The following CES5A variants were observed in gnomAD, a reference collection of about 807,000 sequenced individuals.
CES5A encodes the protein carboxylesterase 5A.
CES5A carries 67 observed loss-of-function variants against 62.9 expected under a neutral mutation model. The observed-to-expected ratio is 1.07, with a 90% confidence interval of 0.88 to 1.31. The LOEUF (loss-of-function observed/expected upper bound fraction) is 1.31, where lower values mean the gene tolerates loss of function less well. Ranked by LOEUF, CES5A falls within the 50% of genes most tolerant of loss-of-function variation. CES5A has a pLI of 0.00. For synonymous variants in CES5A, 296 were observed against 280.8 expected, an observed-to-expected ratio of 1.05 and a Z score of -0.54; for missense variants, 748 against 708.5, an observed-to-expected ratio of 1.06 and a Z score of -0.63.
intron 7 of CES5A, among the ~76,000 whole-genome samples, chr16:55,860,389 A>G (rs1292232456): frequency 6.6e-6 from 1 of 152,220 alleles, no homozygotes; most frequent in East Asian, 1.9e-4. Context: ...TCATCTGGGA[A>G]CTTGTTATAA....
intron 2 of CES5A, among the ~76,000 whole-genome samples, chr16:55,938,795 T>TATATATAC (rs1555487391): frequency 1.8e-5 from 1 of 56,420 alleles, no homozygotes; most frequent in African/African-American, 8.3e-5. Flanking sequence ...TATATATATA[T>TATATATAC]ATACACACAT....
chr16:55,874,160 A>G, intron 1 of CES5A, 123 bp from the exon 2 acceptor site: 2 of 838,118 alleles, frequency 2.4e-6, no homozygotes, highest in Non-Finnish European at 3.7e-6. Flanking sequence ...AGCTGGTGGT[A>G]TCCAGGTTCC....
chr16:55,858,371 A>G (rs4380052), intron 8 of CES5A, among the ~76,000 whole-genome samples: 53,425 of 152,064 alleles, frequency 0.35, 11,204 homozygotes, highest in African/African-American at 0.58. Context: ...TTGCTTGGAC[A>G]GCCTGTGCTT....
chr16:55,917,994 G>C lies in CES5A; in HGVS notation c.-256+7329C>G, dbSNP rs77634176. Among the ~76,000 whole-genome samples, 448 of 152,286 alleles carry C rather than the reference G, an allele frequency of 2.9e-3. 13 individuals carry two copies. The highest frequency in any genetic ancestry group is 0.023 in the Admixed American group (351 of 15,304). On this transcript the variant is annotated intron_variant, in intron 1 of 12. Transcript: ENST00000518005. ...CCCCCTATTGCATGGTTCTGGGAGA[G>C]AATTGGCCAAAATAGGAACTTGCAC...
chr16:55,955,743 G>A, intron 1 of CES5A: 1 of 1,319,394 alleles, frequency 7.6e-7, no homozygotes, highest in Non-Finnish European at 1.0e-6. Context: ...GAGAGACAAA[G>A]TTGGGTGGGT....
chr16:55,846,834 G>A lies in CES5A; in HGVS notation c.1430C>T (p.Ala477Val), dbSNP rs758122026. The A allele has an allele frequency of 4.3e-6, 7 of 1,613,906 alleles. No individual in the cohort carries two copies. The highest frequency in any genetic ancestry group is 1.7e-5 in the Admixed American group (1 of 60,030). ...GCTCAGTAACTTCTCCTCCTCCGTG[G>A]CTCCTTCTGAAGGAGATAATCACAA... ...LKGDIVMFEG[A>V]TEEEKLLSRK... Residue 477 changes from alanine (A) to valine (V), a missense_variant, in exon 12 of 13, where the codon GCC becomes GTC. Coordinates refer to ENST00000290567, the MANE Select transcript of CES5A (RefSeq NM_001143685.2).
At chr16:55,854,544 C>CCTTTTTTTTTTT (rs2033199992) in intron 9 of CES5A, among the ~76,000 whole-genome samples, 1 of 64,416 alleles carries the variant, frequency 1.6e-5, no homozygotes, top group Non-Finnish European at 2.6e-5. Flanking sequence ...TTTTTTTTTT[C>CCTTTTTTTTTTT]TTTTTTTTTT....
intron 1 of CES5A, among the ~76,000 whole-genome samples, chr16:55,896,792 C>T (rs1567345102): frequency 6.6e-6 from 1 of 152,156 alleles, no homozygotes; most frequent in East Asian, 1.9e-4. Flanking sequence ...GACAACACTG[C>T]AAGGAGGGTT....
intron 11 of CES5A, among the ~76,000 whole-genome samples, chr16:55,848,401 G>A (rs1311289711): frequency 6.6e-6 from 1 of 152,174 alleles, no homozygotes; most frequent in African/African-American, 2.4e-5. Context: ...TTACAGGTGT[G>A]AGCCACCATG....
chr16:55,947,879 G>T (rs1220009203), intron 2 of CES5A, among the ~76,000 whole-genome samples: 2 of 151,934 alleles, frequency 1.3e-5, no homozygotes, highest in African/African-American at 4.8e-5. Context: ...AGCCTTGGGG[G>T]CCATGGAAGG....
At chr16:55,869,481 A>G in intron 4 of CES5A, 130 bp downstream of exon 4, 2 of 1,350,804 alleles carry the variant, frequency 1.5e-6, no homozygotes, top group Non-Finnish European at 1.9e-6. Flanking sequence ...AAAATTACCT[A>G]AGTAATTAGG....
At chr16:55,918,265 C>T (rs1266418406) in intron 1 of CES5A, among the ~76,000 whole-genome samples, 1 of 152,214 alleles carries the variant, frequency 6.6e-6, no homozygotes, top group African/African-American at 2.4e-5. Context: ...AGCAGTATCC[C>T]ATCACCCTCT....
At chr16:55,914,066 A>G (rs1384089530) in intron 1 of CES5A, among the ~76,000 whole-genome samples, 4 of 152,232 alleles carry the variant, frequency 2.6e-5, no homozygotes, top group Non-Finnish European at 5.9e-5. Flanking sequence ...CAGGAGGTCC[A>G]GTTAAATGTG....
chr16:55,929,419 C>T (rs1246094971), upstream of CES5A, among the ~76,000 whole-genome samples: 8 of 152,194 alleles, frequency 5.3e-5, no homozygotes, highest in Admixed American at 5.2e-4. Flanking sequence ...TACATCCCCT[C>T]CTGTCGCATT....
At chr16:55,878,919 CCCCA>C (rs2033730046), upstream of CES5A, among the ~76,000 whole-genome samples, 1 of 149,596 alleles carries the variant, frequency 6.7e-6, no homozygotes. Flanking sequence ...TACCACTGCA[CCCCA>C]TCACTGCACC....
At chr16:55,947,690 T>G (rs534944635) in intron 2 of CES5A, among the ~76,000 whole-genome samples, 1 of 151,926 alleles carries the variant, frequency 6.6e-6, no homozygotes, top group African/African-American at 2.4e-5. Context: ...TCAGATAAGA[T>G]CACATTTGAA....
At chr16:55,953,032 T>A (rs1235628234) in intron 1 of CES5A, among the ~76,000 whole-genome samples, 17 of 152,272 alleles carry the variant, frequency 1.1e-4, no homozygotes, top group Admixed American at 1.0e-3. Flanking sequence ...AAGTCAAAAC[T>A]AATAAGGTAT....
chr16:55,879,359 G>A (rs2033737566), upstream of CES5A, among the ~76,000 whole-genome samples: 1 of 151,166 alleles, frequency 6.6e-6, no homozygotes, highest in South Asian at 2.1e-4. Flanking sequence ...CTACATCACT[G>A]TACCCCCATT....
At chr16:55,906,725 A>G (rs1405231950) in intron 1 of CES5A, among the ~76,000 whole-genome samples, 2 of 152,134 alleles carry the variant, frequency 1.3e-5, no homozygotes, top group African/African-American at 4.8e-5. Flanking sequence ...CAGAAGAGAT[A>G]TTTTTAAGAC....
Sources: allele counts gnomAD v4.1 joint callset (sites outside exome capture counted in the v4.1 genomes callset), GRCh38; gene constraint gnomAD v4.1.1; transcripts MANE v1.5; gene names NCBI Gene and HGNC (gene_info 2026-07-23, HGNC 2026-07-21).